The following GALNTL6 variants were observed in gnomAD, a reference collection of about 807,000 sequenced individuals.
GALNTL6 encodes polypeptide N-acetylgalactosaminyltransferase-like 6.
In GALNTL6, 46 loss-of-function variants were observed where a neutral mutation model predicts 73.7. The ratio of observed to expected loss-of-function variants is 0.62; its 90% CI spans 0.49 to 0.80. The LOEUF is 0.80. Ranked by LOEUF, GALNTL6 falls within the 30% of genes least tolerant of loss-of-function variation. GALNTL6 has a pLI of 0.00. For synonymous variants in GALNTL6, 259 were observed against 263.7 expected (o/e 0.98, Z 0.17); for missense variants, 604 against 755.0 (o/e 0.80, Z 2.34).
chr4:172,734,681 T>A (rs1351303654), intron 5 of GALNTL6, among the ~76,000 whole-genome samples: 1 of 152,138 alleles, frequency 6.6e-6, no homozygotes, highest in Non-Finnish European at 1.5e-5. Flanking sequence ...GTTGAGTGTC[T>A]ACAGCTTTTC....
intron 2 of GALNTL6, among the ~76,000 whole-genome samples, chr4:172,122,361 G>A (rs1380753577): frequency 6.6e-6 from 1 of 151,968 alleles, no homozygotes; most frequent in Non-Finnish European, 1.5e-5. Context: ...TTGGAAAAAA[G>A]CTATCTACAG....
chr4:171,911,818 T>C (rs1414600196), intron 2 of GALNTL6, among the ~76,000 whole-genome samples: 5 of 152,228 alleles, frequency 3.3e-5, no homozygotes, highest in African/African-American at 1.2e-4. Flanking sequence ...GGTGTATTCA[T>C]GATCCAAAAT....
At chr4:172,482,011 C>T (rs1302392460) in intron 5 of GALNTL6, among the ~76,000 whole-genome samples, 1 of 152,216 alleles carries the variant, frequency 6.6e-6, no homozygotes, top group Non-Finnish European at 1.5e-5. Flanking sequence ...CTGCAAGCCC[C>T]ACCCCACCGG....
intron 2 of GALNTL6, among the ~76,000 whole-genome samples, chr4:171,926,824 A>C (rs1737997974): frequency 6.6e-6 from 1 of 152,002 alleles, no homozygotes; most frequent in African/African-American, 2.4e-5. Flanking sequence ...CCTGATTAGC[A>C]AATTATTTTT....
intron 5 of GALNTL6, among the ~76,000 whole-genome samples, chr4:172,740,959 A>G (rs1283180566): frequency 6.6e-6 from 1 of 152,172 alleles, no homozygotes; most frequent in Non-Finnish European, 1.5e-5. Context: ...TTGAATGGCC[A>G]ATTAAAGTGT....
intron 4 of GALNTL6, among the ~76,000 whole-genome samples, chr4:172,313,121 C>G (rs1412031401): frequency 2.1e-5 from 3 of 140,826 alleles, no homozygotes; most frequent in South Asian, 4.6e-4. Flanking sequence ...TTCCCCCCCC[C>G]ACCCCCACAC....
chr4:172,410,899 T>TTGTGC (rs1744409206), intron 5 of GALNTL6, among the ~76,000 whole-genome samples: 1 of 152,110 alleles, frequency 6.6e-6, no homozygotes, highest in Non-Finnish European at 1.5e-5. Context: ...AATATCTTTA[T>TTGTGC]TGTTATATAA....
At chr4:172,020,371 G>T (rs888022008) in intron 2 of GALNTL6, among the ~76,000 whole-genome samples, 5 of 141,536 alleles carry the variant, frequency 3.5e-5, no homozygotes, top group African/African-American at 1.4e-4. Flanking sequence ...GAAACAAAAG[G>T]TTGCTTTTTT....
intron 7 of GALNTL6, among the ~76,000 whole-genome samples, chr4:172,878,015 A>G (rs1053386712): frequency 6.6e-6 from 1 of 152,082 alleles, no homozygotes; most frequent in African/African-American, 2.4e-5. Flanking sequence ...TGTAGGCAAT[A>G]GAACCTATGG....
At chr4:171,997,328 A>G (rs889893766) in intron 2 of GALNTL6, among the ~76,000 whole-genome samples, 21 of 152,024 alleles carry the variant, frequency 1.4e-4, no homozygotes, top group Non-Finnish European at 1.5e-5. Flanking sequence ...GCAAATATCA[A>G]CCCATCAAAG....
intron 4 of GALNTL6, among the ~76,000 whole-genome samples, chr4:172,346,999 T>C (rs1270798769): frequency 6.8e-5 from 10 of 147,078 alleles, no homozygotes; most frequent in Admixed American, 6.1e-4. Flanking sequence ...TTTTTTTTTT[T>C]TTTTTTTTGA....
At chr4:171,972,303 G>C (rs190417038) in intron 2 of GALNTL6, among the ~76,000 whole-genome samples, 14 of 151,936 alleles carry the variant, frequency 9.2e-5, no homozygotes, top group Admixed American at 7.9e-4. Flanking sequence ...TTAACATATG[G>C]CATCTATATG....
intron 2 of GALNTL6, among the ~76,000 whole-genome samples, chr4:172,135,064 A>G (rs1196670100): frequency 1.3e-5 from 2 of 152,156 alleles, no homozygotes; most frequent in African/African-American, 4.8e-5. Flanking sequence ...ACTCTTTCAA[A>G]TTTACCATCC....
intron 4 of GALNTL6, among the ~76,000 whole-genome samples, chr4:172,312,306 T>C (rs1037327944): frequency 2.0e-5 from 3 of 152,218 alleles, no homozygotes; most frequent in African/African-American, 7.2e-5. Context: ...GAACTGTAAC[T>C]GCATATTATA....
chr4:172,938,491 C>T (rs1748743358), intron 9 of GALNTL6, among the ~76,000 whole-genome samples: 1 of 152,198 alleles, frequency 6.6e-6, no homozygotes, highest in Admixed American at 6.5e-5. Flanking sequence ...AAAGCATTAA[C>T]AAAACCAAAA....
intron 3 of GALNTL6, among the ~76,000 whole-genome samples, chr4:172,274,383 T>C (rs1163737623): frequency 6.6e-6 from 1 of 152,156 alleles, no homozygotes; most frequent in East Asian, 1.9e-4. Flanking sequence ...CTGGTATCTT[T>C]AAAAAAATTA....
chr4:172,726,576 C>G (rs1379489393), intron 5 of GALNTL6, among the ~76,000 whole-genome samples: 1 of 152,124 alleles, frequency 6.6e-6, no homozygotes, highest in Non-Finnish European at 1.5e-5. Flanking sequence ...TGATTGAACC[C>G]CAACCTATAA....
intron 5 of GALNTL6, among the ~76,000 whole-genome samples, chr4:172,394,316 T>C (rs1263174695): frequency 6.6e-6 from 1 of 152,030 alleles, no homozygotes; most frequent in Non-Finnish European, 1.5e-5. Context: ...TCACATATTA[T>C]AATGTGAGAG....
chr4:172,216,171 A>G (rs1736491999), intron 2 of GALNTL6, among the ~76,000 whole-genome samples: 1 of 152,136 alleles, frequency 6.6e-6, no homozygotes. Context: ...AATATACTAT[A>G]TCATTTTCCT....
Sources: gnomAD v4.1 joint callset for allele counts (sites outside exome capture counted in the v4.1 genomes callset) on GRCh38, gnomAD v4.1.1 for gene constraint, MANE v1.5 for transcripts, NCBI Gene and HGNC (gene_info 2026-07-23, HGNC 2026-07-21) for gene names.